SYTL2: variants seen among roughly 807,000 people sequenced by gnomAD.
SYTL2 encodes synaptotagmin like 2.
A neutral mutation model predicts 198.7 loss-of-function variants in SYTL2; 165 were observed. The ratio of observed to expected loss-of-function variants is 0.83; its 90% CI spans 0.73 to 0.94. SYTL2 has a LOEUF of 0.94. Among genes scored for constraint, SYTL2 ranks in the 40% least tolerant of loss-of-function variants. The pLI is 0.00. For missense variants in SYTL2, 2,835 were observed against 2,582.8 expected, an observed-to-expected ratio of 1.10 and a Z score of -2.12; for synonymous variants, 966 against 917.7, an observed-to-expected ratio of 1.05 and a Z score of -0.95.
intron 8 of SYTL2, 33 bp downstream of exon 8, chr11:85,723,999 C>T (rs2088738440): frequency 1.5e-6 from 2 of 1,296,198 alleles, no homozygotes; most frequent in Non-Finnish European, 2.1e-6. Context: ...ATAAAGCAGA[C>T]TCACTGTGAG....
chr11:85,853,072 G>A, the SYTL2 span: 34 of 286,266 alleles, frequency 1.2e-4, no homozygotes, highest in South Asian at 4.3e-4. Context: ...CCGCCTCCCC[G>A]TCCGGGAGGT....
chr11:85,811,990 C>T (rs567038788), upstream of SYTL2, among the ~76,000 whole-genome samples: 1 of 152,022 alleles, frequency 6.6e-6, no homozygotes, highest in South Asian at 2.1e-4. Context: ...GCCCGTAGTC[C>T]CAACTACTTA....
intron 1 of SYTL2, among the ~76,000 whole-genome samples, chr11:85,773,267 C>T (rs943638780): frequency 1.1e-5 from 1 of 90,948 alleles, no homozygotes; most frequent in Non-Finnish European, 2.4e-5. Flanking sequence ...AACCACTCAG[C>T]GTTACATTAG....
the SYTL2 span, among the ~76,000 whole-genome samples, chr11:85,822,785 T>C: frequency 6.6e-5 from 10 of 152,220 alleles, no homozygotes; most frequent in African/African-American, 2.2e-4. Flanking sequence ...CCAAAGAGCC[T>C]GGCAGAGAGG....
chr11:85,847,596 T>C, the SYTL2 span, among the ~76,000 whole-genome samples: 3 of 152,222 alleles, frequency 2.0e-5, no homozygotes, highest in Non-Finnish European at 4.4e-5. Flanking sequence ...CAGGAATATA[T>C]GAAAGTTCCA....
Position 85,696,289 on chromosome 11 carries a change from C to CA in SYTL2, c.6467_6468insT (p.Phe2157ValfsTer4). ...CTTCCATCAGATCTTCAGGCCTGAA[C>CA]CCATCATACACCATAGTGTGGTTGA... is the stretch of plus-strand genomic sequence containing the variant. On this transcript the variant is annotated frameshift_variant, in exon 19 of 20. Coordinates refer to ENST00000359152, the MANE Select transcript of SYTL2 (RefSeq NM_206927.4). LOFTEE classifies it high-confidence loss of function. The CA allele has an allele frequency of 6.2e-7, 1 of 1,614,036 alleles. No homozygotes were observed. The highest frequency in any genetic ancestry group is 2.2e-5 in the East Asian group (1 of 44,874).
chr11:85,776,484 G>A (rs999032956), intron 1 of SYTL2, among the ~76,000 whole-genome samples: 2 of 152,182 alleles, frequency 1.3e-5, no homozygotes, highest in Non-Finnish European at 2.9e-5. Flanking sequence ...TCATTTATGA[G>A]TGAGAACGTG....
Position 85,757,756 on chromosome 11 carries a change from C to T in SYTL2, c.-31G>A. ...AAAGTGCATGCAAAAATAATAGCAA[C>T]AAATGTGGCTCAAAATTCTCAGGGC... On this transcript the variant is annotated 5_prime_UTR_variant, in exon 2 of 20. Coordinates refer to ENST00000359152, the MANE Select transcript of SYTL2 (RefSeq NM_206927.4). 1.2e-6 allele frequency: 2 copies of T among 1,606,392 alleles called. No individual in the cohort carries two copies. Among genetic ancestry groups the T allele is most frequent in the South Asian group, 2.2e-5 (2 of 91,064 alleles).
intron 1 of SYTL2, among the ~76,000 whole-genome samples, chr11:85,792,046 A>G (rs1006698973): frequency 2.6e-5 from 4 of 152,100 alleles, no homozygotes; most frequent in Admixed American, 2.6e-4. Context: ...TTATTACTAC[A>G]TACAAAATTT....
intron 1 of SYTL2, among the ~76,000 whole-genome samples, chr11:85,786,381 C>T (rs1287942361): frequency 1.3e-5 from 2 of 152,118 alleles, no homozygotes; most frequent in Non-Finnish European, 2.9e-5. Context: ...CAACTTAATA[C>T]ACACAGGCCC....
chr11:85,757,835 T>G lies in SYTL2; in HGVS notation c.-110A>C. 1 of 1,512,698 alleles carries G rather than the reference T, an allele frequency of 6.6e-7. No homozygotes were observed. Among genetic ancestry groups the G allele is most frequent in the Non-Finnish European group, 9.0e-7 (1 of 1,114,820 alleles). 93.7% of individuals were successfully genotyped at this position (1,512,698 alleles called of 1,614,324 possible). On this transcript the variant is annotated 5_prime_UTR_variant, in exon 2 of 20. Transcript: ENST00000359152. ...TTAAAACACACAAAAATGAAATATCTTGTTCAGTTCTGCATCAAAGTCTTA... is the reference window on the plus strand; with the variant it reads ...TTAAAACACACAAAAATGAAATATCGTGTTCAGTTCTGCATCAAAGTCTTA...
In SYTL2 at chr11:85,735,629, C is replaced by T. The variant is rs538374665; in HGVS notation, c.586+872G>A. Reference sequence around the variant, plus strand: ...AAAATTAGGCGGGTGTGGTAGAGCACGCCTGTAGTCCCAGCTACTCAGAAG... The same window carrying T: ...AAAATTAGGCGGGTGTGGTAGAGCATGCCTGTAGTCCCAGCTACTCAGAAG... On this transcript the variant is annotated intron_variant, in intron 6 of 19. Coordinates refer to ENST00000359152, the MANE Select transcript of SYTL2 (RefSeq NM_206927.4). Among the ~76,000 whole-genome samples the T allele has an allele frequency of 4.6e-5, 7 of 152,058 alleles. No individual in the cohort carries two copies. In the South Asian group the frequency reaches 8.3e-4, roughly 18 times the overall value.
Position 85,727,381 on chromosome 11 carries a change from C to T in SYTL2, c.1977G>A (p.Gly659=), listed in dbSNP as rs2089318891. 17 of 1,536,282 alleles carry T rather than the reference C, an allele frequency of 1.1e-5. No individual in the cohort carries two copies. The highest frequency in any genetic ancestry group is 2.0e-5 in the Admixed American group (1 of 50,998). Residue 659 remains glycine (G), a synonymous_variant, in exon 8 of 20, where the codon GGG becomes GGA. Transcript: ENST00000359152. ...TACTATTTGAAGGAGATGCCCCATT[C>T]CCTTTTCCTGGGCTTTTTGAATCTT... ...YSQDSKSPGK[G]NGASPSNSNY...
intron 1 of SYTL2, among the ~76,000 whole-genome samples, chr11:85,782,625 A>G (rs1257364096): frequency 6.6e-6 from 1 of 152,172 alleles, no homozygotes; most frequent in Non-Finnish European, 1.5e-5. Flanking sequence ...TCCAAACCAT[A>G]TCTTTGTGAA....
chr11:85,792,854 C>A lies in SYTL2; in HGVS notation c.-390+18100G>T, dbSNP rs545223416. On this transcript the variant is annotated intron_variant, in intron 1 of 19. Transcript: ENST00000359152. ...CCATGTGTTCTCACTGTTCAATTCC[C>A]ACCTATGAGTGAGAACATGCAGTGT... is the stretch of plus-strand genomic sequence containing the variant. Among the ~76,000 whole-genome samples the A allele has an allele frequency of 1.0e-3, 152 of 151,864 alleles. 2 individuals carry two copies. Among genetic ancestry groups the A allele is most frequent in the Non-Finnish European group, 1.9e-3 (126 of 68,002 alleles).
chr11:85,800,586 A>G (rs2092871488), intron 1 of SYTL2, among the ~76,000 whole-genome samples: 1 of 152,116 alleles, frequency 6.6e-6, no homozygotes, highest in Non-Finnish European at 1.5e-5. Flanking sequence ...GCCCCCAGGA[A>G]TTTAAAAGGT....
At position 85,724,355 on chromosome 11, in the gene SYTL2, T is replaced by A; in HGVS notation, c.5003A>T (p.Tyr1668Phe). Residue 1668 changes from tyrosine (Y) to phenylalanine (F), a missense_variant, in exon 8 of 20, where the codon TAT (tyrosine) becomes TTT (phenylalanine). Transcript: ENST00000359152. ...GVEIPRTPQL[Y>F]VAHEIGTIKT... is the part of the protein sequence containing the mutation. ...AATGGTCCCTATTTCATGAGCCACATAAAGTTGTGGGGTTCTAGGGATCTC... is the reference window on the plus strand; with the variant it reads ...AATGGTCCCTATTTCATGAGCCACAAAAAGTTGTGGGGTTCTAGGGATCTC... 11 of 1,586,950 alleles carry A rather than the reference T, an allele frequency of 6.9e-6. No individual in the cohort carries two copies. Among genetic ancestry groups the A allele is most frequent in the Non-Finnish European group, 9.4e-6 (11 of 1,169,250 alleles).
the SYTL2 span, among the ~76,000 whole-genome samples, chr11:85,825,246 G>C: frequency 6.6e-6 from 1 of 151,862 alleles, no homozygotes; most frequent in Non-Finnish European, 1.5e-5. Flanking sequence ...AAATTAGCCG[G>C]GCGTAGTGGC....
chr11:85,853,420 G>A, the SYTL2 span: 3 of 407,128 alleles, frequency 7.4e-6, no homozygotes, highest in South Asian at 5.2e-5. Flanking sequence ...ATGGATTAAG[G>A]GCGGTGCAAG....
Sources: gnomAD v4.1 joint callset for allele counts (sites outside exome capture counted in the v4.1 genomes callset) on GRCh38, gnomAD v4.1.1 for gene constraint, MANE v1.5 for transcripts, NCBI Gene and HGNC (gene_info 2026-07-23, HGNC 2026-07-21) for gene names.